The following TOM1L2 variants were observed in gnomAD, a reference collection of about 807,000 sequenced individuals.
The protein encoded by TOM1L2 is target of myb1 like 2 membrane trafficking protein.
Under a neutral mutation model 67.9 loss-of-function variants are expected in TOM1L2, and 31 were observed. The observed-to-expected ratio is 0.46, with a 90% CI of 0.34 to 0.62. TOM1L2 has a LOEUF of 0.62. TOM1L2 is among the 20% of genes least tolerant of loss of function. The pLI is 0.01. For missense variants in TOM1L2, 606 were observed against 663.5 expected (o/e 0.91, Z 0.95); for synonymous variants, 256 against 254.0 (o/e 1.01, Z -0.07).
intron 4 of TOM1L2, among the ~76,000 whole-genome samples, chr17:17,889,932 A>G (rs1192662149): frequency 6.6e-6 from 1 of 152,022 alleles, no homozygotes; most frequent in Non-Finnish European, 1.5e-5. Context: ...CTGGCACCCC[A>G]CACTTAGCTG....
intron 2 of TOM1L2, among the ~76,000 whole-genome samples, chr17:17,907,025 G>A (rs2039130085): frequency 6.6e-6 from 1 of 152,230 alleles, no homozygotes. Flanking sequence ...TCTGCCCCAT[G>A]CCCTGGACCT....
chr17:17,883,463 G>A (rs1472847034), intron 5 of TOM1L2, among the ~76,000 whole-genome samples: 5 of 152,114 alleles, frequency 3.3e-5, no homozygotes, highest in East Asian at 3.9e-4. Context: ...GGCCAGGTGC[G>A]GTGGCTTACG....
At chr17:17,915,958 A>G (rs1227014582) in intron 1 of TOM1L2, among the ~76,000 whole-genome samples, 1 of 151,800 alleles carries the variant, frequency 6.6e-6, no homozygotes, top group African/African-American at 2.4e-5. Flanking sequence ...TTAATGCACA[A>G]AAGTTTTAAA....
At chr17:17,860,301 G>A (rs1186485199) in intron 12 of TOM1L2, among the ~76,000 whole-genome samples, 2 of 152,242 alleles carry the variant, frequency 1.3e-5, no homozygotes, top group Non-Finnish European at 2.9e-5. Context: ...GATTTTGAGT[G>A]TCCCAGTCTC....
At chr17:17,962,561 GC>G (rs2041727935) in intron 1 of TOM1L2, among the ~76,000 whole-genome samples, 1 of 151,760 alleles carries the variant, frequency 6.6e-6, no homozygotes, top group African/African-American at 2.4e-5. Flanking sequence ...CAATCCACCC[GC>G]CTCGGCCTCC....
chr17:17,969,087 C>T (rs2041973570), intron 1 of TOM1L2, among the ~76,000 whole-genome samples: 1 of 148,954 alleles, frequency 6.7e-6, no homozygotes, highest in Admixed American at 6.7e-5. Flanking sequence ...GACAGAGTCT[C>T]ACTCTGTCGC....
chr17:17,907,273 G>C (rs2039140475), intron 2 of TOM1L2, among the ~76,000 whole-genome samples, 174 bp downstream of exon 2: 1 of 152,264 alleles, frequency 6.6e-6, no homozygotes, highest in Non-Finnish European at 1.5e-5. Context: ...GGGCAAGTGG[G>C]GGAGGGATGA....
chr17:17,936,816 T>C (rs962197496), intron 1 of TOM1L2, among the ~76,000 whole-genome samples: 2 of 152,244 alleles, frequency 1.3e-5, no homozygotes, highest in Non-Finnish European at 2.9e-5. Context: ...AAAATGTTTA[T>C]AGTAGTAACC....
intron 6 of TOM1L2, among the ~76,000 whole-genome samples, 189 bp from the exon 7 acceptor site, chr17:17,879,932 A>G (rs1474859459): frequency 6.6e-6 from 1 of 152,066 alleles, no homozygotes; most frequent in Admixed American, 6.5e-5. Flanking sequence ...GCTCTGAGAG[A>G]GCTGAATGGG....
At chr17:17,897,266 T>C (rs947049464) in intron 3 of TOM1L2, among the ~76,000 whole-genome samples, 1 of 152,236 alleles carries the variant, frequency 6.6e-6, no homozygotes, top group Non-Finnish European at 1.5e-5. Flanking sequence ...GTGGCTCAAA[T>C]TCTGAGAAAA....
At chr17:17,947,438 G>A (rs1012153256) in intron 1 of TOM1L2, among the ~76,000 whole-genome samples, 21 of 152,192 alleles carry the variant, frequency 1.4e-4, no homozygotes, top group African/African-American at 5.1e-4. Flanking sequence ...TTTGGAGACA[G>A]GGTCTTTAAA....
At chr17:17,944,926 A>T (rs903934776) in intron 1 of TOM1L2, among the ~76,000 whole-genome samples, 3 of 152,178 alleles carry the variant, frequency 2.0e-5, no homozygotes, top group African/African-American at 7.2e-5. Flanking sequence ...TCCATTTTTC[A>T]TAGGCCGGAT....
At chr17:17,875,953 G>A (rs1312567144) in intron 7 of TOM1L2, among the ~76,000 whole-genome samples, 4 of 152,224 alleles carry the variant, frequency 2.6e-5, no homozygotes, top group Admixed American at 2.0e-4. Flanking sequence ...GAAATGAGAC[G>A]CAAGAAGCAA....
chr17:17,904,344 G>T (rs1354326646), intron 2 of TOM1L2, among the ~76,000 whole-genome samples: 1 of 152,196 alleles, frequency 6.6e-6, no homozygotes, highest in African/African-American at 2.4e-5. Flanking sequence ...TGGGCTTCCT[G>T]CCCTCAAGCC....
At position 17,846,237 on chromosome 17, in the gene TOM1L2, C is replaced by G. The variant is rs2035638899; in HGVS notation, c.*1398G>C. ...CTACACCATGGATCAGGAACCTGTG[C>G]TGACCTAGGCAGTGCATGCTGGAGG... On this transcript the variant is annotated 3_prime_UTR_variant, in exon 15 of 15. Coordinates refer to ENST00000379504, the MANE Select transcript of TOM1L2 (RefSeq NM_001082968.2). 6.6e-6 allele frequency: 1 copy of G among 152,370 alleles called. No individual in the cohort carries two copies. The highest frequency in any genetic ancestry group is 2.4e-5 in the African/African-American group (1 of 41,462). The allele number at this position is 152,370 out of a possible 1,614,324, so 9.4% of individuals were successfully genotyped here.
At chr17:17,961,374 C>T (rs1256468007) in intron 1 of TOM1L2, among the ~76,000 whole-genome samples, 1 of 151,840 alleles carries the variant, frequency 6.6e-6, no homozygotes, top group Admixed American at 6.6e-5. Flanking sequence ...TAAGACTAGT[C>T]TGGGATACAT....
intron 1 of TOM1L2, among the ~76,000 whole-genome samples, chr17:17,966,072 G>A (rs900434981): frequency 3.3e-5 from 5 of 152,148 alleles, no homozygotes; most frequent in African/African-American, 9.7e-5. Flanking sequence ...AGTGAGCTGA[G>A]ATCGCGCCAC....
At chr17:17,902,722 C>T (rs1291009154) in intron 2 of TOM1L2, among the ~76,000 whole-genome samples, 2 of 152,050 alleles carry the variant, frequency 1.3e-5, no homozygotes, top group African/African-American at 4.8e-5. Context: ...ATAACTGACA[C>T]CCAAATGAAA....
intron 10 of TOM1L2, among the ~76,000 whole-genome samples, chr17:17,864,211 G>GA (rs1262053718): frequency 1.4e-3 from 172 of 122,660 alleles, no homozygotes; most frequent in African/African-American, 4.5e-3. Context: ...AATCCAATTT[G>GA]ATTTTTTTTT....
Sources: gnomAD v4.1 joint callset for allele counts (sites outside exome capture counted in the v4.1 genomes callset) on GRCh38, gnomAD v4.1.1 for gene constraint, MANE v1.5 for transcripts, NCBI Gene and HGNC (gene_info 2026-07-23, HGNC 2026-07-21) for gene names.